Variants in ALOX5 observed in about 807,000 individuals in gnomAD.
ALOX5 encodes arachidonate 5-lipoxygenase.
A neutral mutation model predicts 87.9 loss-of-function variants in ALOX5; 64 were observed. The observed-to-expected ratio is 0.73, with a 90% CI of 0.60 to 0.90. The LOEUF (loss-of-function observed/expected upper bound fraction) is 0.90, where lower values mean the gene tolerates loss of function less well. Ranked by LOEUF, ALOX5 falls within the 40% of genes least tolerant of loss-of-function variation. ALOX5 has a pLI of 0.00. For synonymous variants in ALOX5, 388 were observed against 355.1 expected (o/e 1.09, Z -1.04); for missense variants, 822 against 907.5 (o/e 0.91, Z 1.21).
chr10:45,412,061 T>G, intron 3 of ALOX5, 130 bp from the exon 4 acceptor site: 1 of 1,330,656 alleles, frequency 7.5e-7, no homozygotes, highest in South Asian at 1.4e-5. Flanking sequence ...CAGCCTATGA[T>G]GTGTTGACTT....
intron 7 of ALOX5, among the ~76,000 whole-genome samples, chr10:45,435,669 C>T (rs1390580851): frequency 6.6e-6 from 1 of 152,194 alleles, no homozygotes; most frequent in African/African-American, 2.4e-5. Flanking sequence ...TTTTCTTTAT[C>T]TGGTGCCACT....
chr10:45,426,844 A>G (rs1012459660), intron 6 of ALOX5, among the ~76,000 whole-genome samples: 25 of 152,094 alleles, frequency 1.6e-4, no homozygotes, highest in African/African-American at 4.8e-4. Flanking sequence ...GGAGGTAAAA[A>G]ATGATCACCG....
At position 45,428,703 on chromosome 10, in the gene ALOX5, C is replaced by A. The variant is rs2132818683; in HGVS notation, c.920C>A (p.Ala307Asp). The A allele has an allele frequency of 6.2e-7, 1 of 1,614,124 alleles. No homozygotes were observed. The highest frequency in any genetic ancestry group is 8.5e-7 in the Non-Finnish European group (1 of 1,180,034). Residue 307 changes from alanine to aspartate, a missense_variant, in exon 7 of 14, where the codon GCC becomes GAC. Ala to Asp is a moderately radical substitution (Grantham distance 126). Coordinates refer to ENST00000374391, the MANE Select transcript of ALOX5 (RefSeq NM_000698.5). ...GACCCCTGCACACTCCAGTTCCTGG[C>A]CGCTCCCATCTGCTTGCTGTATAAG... ...KTDPCTLQFL[A>D]APICLLYKNL...
At chr10:45,404,134 G>GT (rs138215633) in intron 3 of ALOX5, among the ~76,000 whole-genome samples, 95 of 152,300 alleles carry the variant, frequency 6.2e-4, no homozygotes, top group Non-Finnish European at 1.1e-3. Flanking sequence ...CTTCTGGTGA[G>GT]ATCGTTTCCC....
At chr10:45,434,096 A>G (rs906802061) in intron 7 of ALOX5, among the ~76,000 whole-genome samples, 2 of 152,038 alleles carry the variant, frequency 1.3e-5, no homozygotes, top group Admixed American at 6.6e-5. Context: ...CCTTCAAGGA[A>G]CTCGGGATTT....
intron 7 of ALOX5, among the ~76,000 whole-genome samples, chr10:45,435,262 GTTT>G (rs57303416): frequency 5.7e-4 from 83 of 146,094 alleles, no homozygotes; most frequent in African/African-American, 1.9e-3. Flanking sequence ...GGTCAGAACA[GTTT>G]TTTTTTTTTT....
chr10:45,399,061 G>A (rs189915730), intron 3 of ALOX5, among the ~76,000 whole-genome samples: 35 of 152,236 alleles, frequency 2.3e-4, no homozygotes, highest in Admixed American at 1.8e-3. Flanking sequence ...CAACCCAAAC[G>A]TCCATTAATG....
chr10:45,427,163 G>T (rs1841737617), intron 6 of ALOX5, among the ~76,000 whole-genome samples: 1 of 152,226 alleles, frequency 6.6e-6, no homozygotes, highest in Non-Finnish European at 1.5e-5. Context: ...GCAGGCATTG[G>T]CCCCAAATCT....
chr10:45,440,726 G>T, intron 8 of ALOX5, 93 bp downstream of exon 8: 2 of 1,373,906 alleles, frequency 1.5e-6, no homozygotes, highest in Non-Finnish European at 2.0e-6. Context: ...ACCTGTGGCT[G>T]GGAGTGGGTG....
intron 2 of ALOX5, among the ~76,000 whole-genome samples, chr10:45,395,246 C>T (rs1840453347): frequency 6.6e-6 from 1 of 152,126 alleles, no homozygotes; most frequent in South Asian, 2.1e-4. Context: ...GAAAATGTGG[C>T]ACATATACAC....
chr10:45,385,255 C>T (rs752763258), intron 2 of ALOX5, among the ~76,000 whole-genome samples: 28 of 152,218 alleles, frequency 1.8e-4, no homozygotes, highest in South Asian at 2.1e-4. Flanking sequence ...TATGATCACC[C>T]CTTAAATCTA....
intron 4 of ALOX5, among the ~76,000 whole-genome samples, chr10:45,414,897 A>G (rs2132769459): frequency 6.6e-6 from 1 of 152,336 alleles, no homozygotes; most frequent in South Asian, 2.1e-4. Context: ...ACCATCTTAC[A>G]CCAGTTAGAA....
intron 3 of ALOX5, among the ~76,000 whole-genome samples, chr10:45,409,543 G>A (rs957127411): frequency 7.5e-6 from 1 of 133,702 alleles, no homozygotes; most frequent in African/African-American, 2.7e-5. Context: ...CTGTCTCTCT[G>A]TCTCTCTTGC....
At position 45,440,596 on chromosome 10, in the gene ALOX5, T is replaced by G; in HGVS notation, c.1148T>G (p.Met383Arg). ...GTGTCTGAGGTTTTTGGCATTGCAA[T>G]GTACCGCCAGCTGCCTGCTGTGCAC... Reference protein sequence around the residue: ...HLVSEVFGIAMYRQLPAVHPI... With the variant: ...HLVSEVFGIARYRQLPAVHPI... Residue 383 changes from methionine to arginine, a missense_variant, in exon 8 of 14, where the codon ATG becomes AGG. Transcript: ENST00000374391. 1 of 1,614,188 alleles carries G rather than the reference T, an allele frequency of 6.2e-7. No individual in the cohort carries two copies. The highest frequency in any genetic ancestry group is 8.5e-7 in the Non-Finnish European group (1 of 1,180,038).
intron 6 of ALOX5, among the ~76,000 whole-genome samples, chr10:45,427,099 G>A (rs1444881025): frequency 6.6e-6 from 1 of 152,176 alleles, no homozygotes; most frequent in Admixed American, 6.5e-5. Context: ...AGGTAGGCCC[G>A]CCCCTCGTTT....
At chr10:45,387,456 T>C (rs1049541063) in intron 2 of ALOX5, among the ~76,000 whole-genome samples, 1 of 152,154 alleles carries the variant, frequency 6.6e-6, no homozygotes, top group East Asian at 1.9e-4. Flanking sequence ...AGTAAACTAT[T>C]CTGCAGTGAT....
chr10:45,374,477 G>C, intron 1 of ALOX5, 48 bp downstream of exon 1: 1 of 1,460,288 alleles, frequency 6.8e-7, no homozygotes, highest in Non-Finnish European at 9.0e-7. Flanking sequence ...GGTGCGTCCG[G>C]GACCCGGTTT....
chr10:45,409,547 C>T (rs1347651138), intron 3 of ALOX5, among the ~76,000 whole-genome samples: 1 of 150,922 alleles, frequency 6.6e-6, no homozygotes, highest in Non-Finnish European at 1.5e-5. Context: ...CTCTCTGTCT[C>T]TCTTGCTTTC....
intron 1 of ALOX5, among the ~76,000 whole-genome samples, chr10:45,375,264 G>A (rs1271565092): frequency 6.6e-6 from 1 of 152,182 alleles, no homozygotes. Context: ...GCATTTGGAA[G>A]CTAGTTCCTA....
Sources: gnomAD v4.1 joint callset for allele counts (sites outside exome capture counted in the v4.1 genomes callset) on GRCh38, gnomAD v4.1.1 for gene constraint, MANE v1.5 for transcripts, NCBI Gene and HGNC (gene_info 2026-07-23, HGNC 2026-07-21) for gene names.